Variants in PRDM15 observed in about 807,000 individuals in gnomAD.
The protein encoded by PRDM15 is PR/SET domain 15.
Under a neutral mutation model 128.6 loss-of-function variants are expected in PRDM15, and 64 were observed. The observed-to-expected ratio is 0.50, with a 90% CI of 0.41 to 0.61. The LOEUF is 0.61. Among genes scored for constraint, PRDM15 ranks in the 20% least tolerant of loss-of-function variants. The pLI, the probability that PRDM15 is intolerant of heterozygous loss-of-function variation, is 0.00. For synonymous variants in PRDM15, 615 were observed against 621.8 expected (o/e 0.99, Z 0.16); for missense variants, 1,242 against 1,569.1 (o/e 0.79, Z 3.52).
intron 6 of PRDM15, among the ~76,000 whole-genome samples, chr21:41,840,777 G>A (rs1046494168): frequency 1.3e-5 from 2 of 150,760 alleles, no homozygotes; most frequent in Admixed American, 6.6e-5. Context: ...AATAAAGAAG[G>A]GTTAAAAAAC....
intron 14 of PRDM15, 26 bp downstream of exon 14, chr21:41,823,292 G>A: frequency 6.2e-7 from 1 of 1,604,570 alleles, no homozygotes; most frequent in Non-Finnish European, 8.5e-7. Context: ...GAGCATGCCT[G>A]GGTGAGGGCA....
chr21:41,857,212 G>C lies in PRDM15; in HGVS notation c.249C>G (p.Val83=). 1.9e-6 allele frequency: 3 copies of C among 1,613,638 alleles called. No individual in the cohort carries two copies. Among genetic ancestry groups the C allele is most frequent in the African/African-American group, 1.3e-5 (1 of 75,014 alleles). Residue 83 remains valine, a synonymous_variant, in exon 4 of 24, where the codon GTC becomes GTG. Transcript: ENST00000398548. ...ATGCAGACTCCTTTTCCCATTTGGC[G>C]ACCCTCCTGGACTCAAAGGGACCGA... ...TQFGPFESRR[V]AKWEKESAFP... is the part of the protein sequence containing the mutation.
chr21:41,870,416 G>A lies in PRDM15; in HGVS notation c.-10+8854C>T, dbSNP rs188726562. 1.8e-4 allele frequency among the ~76,000 whole-genome samples: 27 copies of A among 152,282 alleles called. No individual in the cohort carries two copies. The East Asian group carries it at 2.3e-3, about 13-fold the overall frequency. On this transcript the variant is annotated intron_variant, in intron 1 of 23. Transcript: ENST00000398548. ...GGGAGTTTTTGTTGAAGCAGGAGGA[G>A]CATCTTTCCCGCTGGGCACACGGCC...
intron 1 of PRDM15, chr21:41,861,988 G>C: frequency 6.2e-7 from 1 of 1,612,992 alleles, no homozygotes; most frequent in Non-Finnish European, 8.5e-7. Context: ...AGCCGCATTC[G>C]GCCTTGCCTG....
At chr21:41,808,307 T>C (rs1368137374) in intron 21 of PRDM15, among the ~76,000 whole-genome samples, 1 of 152,102 alleles carries the variant, frequency 6.6e-6, no homozygotes, top group Admixed American at 6.5e-5. Context: ...AGGGAGGCAA[T>C]GGAGCTCAGT....
At chr21:41,835,164 C>T (rs192839397) in intron 11 of PRDM15, among the ~76,000 whole-genome samples, 5 of 152,300 alleles carry the variant, frequency 3.3e-5, no homozygotes, top group East Asian at 1.9e-4. Flanking sequence ...CAGAACGGAC[C>T]CCGGCTTTAC....
At chr21:41,872,399 T>C (rs1280105422) in intron 1 of PRDM15, among the ~76,000 whole-genome samples, 1 of 152,234 alleles carries the variant, frequency 6.6e-6, no homozygotes, top group Non-Finnish European at 1.5e-5. Flanking sequence ...ATGTATATAT[T>C]ATGACTCTGA....
rs2146397401 is a variant in PRDM15, at chr21:41,821,869, A to C, written c.1896+34T>G. 3.1e-6 allele frequency: 5 copies of C among 1,611,348 alleles called. No individual in the cohort carries two copies. The highest frequency in any genetic ancestry group is 4.2e-6 in the Non-Finnish European group (5 of 1,179,712). The stretch of plus-strand genomic sequence containing the variant: ...TTGAAACGACCACCTTCCTCTCCAG[A>C]CCACCCAGGCACCGCGGGGCAAACC... On this transcript the variant is annotated intron_variant, in intron 15 of 23. Transcript: ENST00000398548. The surrounding 1 kb of genome is among the most constrained non-coding windows in gnomAD (Gnocchi z 5.4).
intron 21 of PRDM15, among the ~76,000 whole-genome samples, chr21:41,804,896 G>A (rs2061514630): frequency 6.6e-6 from 1 of 152,158 alleles, no homozygotes; most frequent in African/African-American, 2.4e-5. Flanking sequence ...CTCCCTTTTT[G>A]GCCCCCCACC....
At chr21:41,847,237 A>C in intron 5 of PRDM15, 46 bp from the exon 6 acceptor site, 134 of 1,325,472 alleles carry the variant, frequency 1.0e-4, no homozygotes, top group Non-Finnish European at 1.3e-4. Flanking sequence ...CAAGCAGCTC[A>C]TATGTCTCCA....
intron 23 of PRDM15, among the ~76,000 whole-genome samples, chr21:41,802,306 T>C (rs1458694993): frequency 1.3e-5 from 2 of 151,964 alleles, no homozygotes; most frequent in South Asian, 2.1e-4. Context: ...GAAAGTGGGA[T>C]TGTGGGATTG....
At chr21:41,802,387 CA>C (rs1214780266) in intron 23 of PRDM15, among the ~76,000 whole-genome samples, 2 of 152,182 alleles carry the variant, frequency 1.3e-5, no homozygotes, top group Non-Finnish European at 2.9e-5. Flanking sequence ...GAGCTTTCAC[CA>C]TAAGGGCACT....
At chr21:41,874,071 A>AG (rs201189509) in intron 1 of PRDM15, among the ~76,000 whole-genome samples, 8 of 80,452 alleles carry the variant, frequency 9.9e-5, no homozygotes, top group Non-Finnish European at 1.3e-4. Context: ...CTGTCTCGGG[A>AG]AAAAAAAAAA....
chr21:41,860,438 G>T (rs2063776158), intron 1 of PRDM15, 66 bp from the exon 2 acceptor site: 1 of 1,400,306 alleles, frequency 7.1e-7, no homozygotes, highest in Non-Finnish European at 1.0e-6. Context: ...TTTTGTTTTT[G>T]AAATTGAGCT....
rs113476609 is a variant in PRDM15 at position 41,825,950 on chromosome 21, C to T, written c.1629+10G>A. On this transcript the variant is annotated intron_variant, in intron 13 of 23. Transcript: ENST00000398548. ...CCATCTCAGCGTCCGACGTGGACTGCGAGCATTACCTTGCCACACACCGGG... is the reference window on the plus strand; with the variant it reads ...CCATCTCAGCGTCCGACGTGGACTGTGAGCATTACCTTGCCACACACCGGG... The T allele has an allele frequency of 1.2e-6, 2 of 1,602,340 alleles. No homozygotes were observed. The highest frequency in any genetic ancestry group is 8.6e-7 in the Non-Finnish European group (1 of 1,169,380).
chr21:41,810,258 G>A lies in PRDM15; in HGVS notation c.2548C>T (p.Gln850Ter). The A allele has an allele frequency of 6.2e-7, 1 of 1,613,418 alleles. No homozygotes were observed. Among genetic ancestry groups the A allele is most frequent in the South Asian group, 1.1e-5 (1 of 90,942 alleles). Residue 850 changes from glutamine to a stop codon, truncating the protein, a stop_gained, in exon 21 of 24, where the codon CAG becomes TAG. Transcript: ENST00000398548. LOFTEE classifies it high-confidence loss of function. This position sits in a 1 kb window ranked among gnomAD's most constrained non-coding sequence, Gnocchi z 6.4. The stretch of plus-strand genomic sequence containing the variant: ...GCCTCCACCTTGTCGTGTGTGAGCT[G>A]AACGTGCTTCTGCAGCATGTACTCG... Reference protein sequence around the residue: ...VTEYMLQKHVQLTHDKVEAQS... With the variant: ...VTEYMLQKHV
In PRDM15 at chr21:41,836,293, C is replaced by G. The variant is rs571180047; in HGVS notation, c.1184-86G>C. On this transcript the variant is annotated intron_variant, in intron 9 of 23. Transcript: ENST00000398548. ...GCCCACCGGGGAAATGCCCCACAAG[C>G]CGCCTCGCTCCCACCATGCGAAGGA... 31 of 1,349,204 alleles carry G rather than the reference C, an allele frequency of 2.3e-5. 1 individual carries two copies. In the East Asian group the frequency reaches 7.1e-4, roughly 31 times the overall value. The allele number at this position is 1,349,204 out of a possible 1,614,324, so 83.6% of individuals were successfully genotyped here.
chr21:41,868,037 CAAA>C (rs35935542), intron 1 of PRDM15, among the ~76,000 whole-genome samples: 42 of 130,750 alleles, frequency 3.2e-4, no homozygotes, highest in Non-Finnish European at 2.7e-4. Flanking sequence ...AACATTGTCT[CAAA>C]AAAAAAAAAA....
intron 6 of PRDM15, among the ~76,000 whole-genome samples, chr21:41,842,189 T>C (rs892769327): frequency 7.2e-5 from 11 of 151,998 alleles, no homozygotes; most frequent in Non-Finnish European, 1.5e-4. Flanking sequence ...CAAGAAAAAA[T>C]AGAGAATGCA....
Sources: allele counts gnomAD v4.1 joint callset (sites outside exome capture counted in the v4.1 genomes callset), GRCh38; gene constraint gnomAD v4.1.1; non-coding constraint Gnocchi (gnomAD v3.1); transcripts MANE v1.5; gene names NCBI Gene and HGNC (gene_info 2026-07-23, HGNC 2026-07-21).